The following GCNT2 variants were observed in gnomAD, a reference collection of about 807,000 sequenced individuals.
GCNT2 encodes the protein N-acetyllactosaminide beta-1,6-N-acetylglucosaminyl-transferase.
GCNT2 carries 34 observed loss-of-function variants against 34.2 expected under a neutral mutation model. The observed-to-expected ratio is 1.00, with a 90% CI of 0.76 to 1.32. The LOEUF is 1.32. Among genes scored for constraint, GCNT2 ranks in the 40% most tolerant of loss-of-function variants. GCNT2 has a pLI of 0.00. For missense variants in GCNT2, 584 were observed against 489.4 expected, an observed-to-expected ratio of 1.19 and a Z score of -1.82; for synonymous variants, 212 against 188.0, an observed-to-expected ratio of 1.13 and a Z score of -1.04.
At chr6:10,615,800 A>G (rs935108353) in intron 3 of GCNT2, among the ~76,000 whole-genome samples, 2 of 152,222 alleles carry the variant, frequency 1.3e-5, no homozygotes, top group Admixed American at 1.3e-4. Context: ...CCCCGTTTAG[A>G]CCATAGAGGG....
chr6:10,556,897 C>T, intron 3 of GCNT2: 1 of 1,614,134 alleles, frequency 6.2e-7, no homozygotes, highest in Admixed American at 1.7e-5. Context: ...AACCCGTTGT[C>T]TATGGAGGGA....
At chr6:10,574,709 T>C (rs1763716102) in intron 3 of GCNT2, 2 of 425,122 alleles carry the variant, frequency 4.7e-6, no homozygotes, top group South Asian at 2.4e-5. Context: ...TTGTTTGTTT[T>C]ACAGTCTAGA....
intron 3 of GCNT2, among the ~76,000 whole-genome samples, chr6:10,566,805 G>A (rs1218639030): frequency 6.6e-5 from 10 of 152,188 alleles, no homozygotes; most frequent in South Asian, 4.1e-4. Context: ...GCACGCACAC[G>A]TTTTATATGG....
intron 3 of GCNT2, among the ~76,000 whole-genome samples, chr6:10,589,268 GGT>G (rs1419794535): frequency 6.9e-6 from 1 of 145,838 alleles, no homozygotes; most frequent in Non-Finnish European, 1.5e-5. Flanking sequence ...ACATGTGTGG[GGT>G]GTGTGTGTTT....
chr6:10,537,888 C>G (rs1174140041), intron 3 of GCNT2, among the ~76,000 whole-genome samples: 1 of 151,956 alleles, frequency 6.6e-6, no homozygotes. Context: ...AAAGTGGTGT[C>G]TATGTCATGT....
chr6:10,529,445 G>A lies in GCNT2; in HGVS notation c.534G>A (p.Val178=). ...ACCTGAACTGCCTGGAAGACCTTGT[G>A]GCCTCTGAAGTTCCCTGGAAGTATG... The part of the protein sequence containing the change: ...QADLNCLEDL[V]ASEVPWKYVI... The change falls in exon 3 of 5, where the codon GTG becomes GTA. Residue 178 remains valine (V), a synonymous_variant. Coordinates refer to ENST00000495262, the MANE Select transcript of GCNT2 (RefSeq NM_145649.5). 1 of 1,614,134 alleles carries A rather than the reference G, an allele frequency of 6.2e-7. No homozygotes were observed. Among genetic ancestry groups the A allele is most frequent in the Non-Finnish European group, 8.5e-7 (1 of 1,180,008 alleles).
chr6:10,586,609 T>G, intron 3 of GCNT2: 1 of 1,614,156 alleles, frequency 6.2e-7, no homozygotes. Flanking sequence ...GTTCAGCATC[T>G]GAAAGGATTT....
intron 3 of GCNT2, among the ~76,000 whole-genome samples, chr6:10,554,431 A>G (rs1215584313): frequency 6.6e-6 from 1 of 152,226 alleles, no homozygotes; most frequent in Non-Finnish European, 1.5e-5. Flanking sequence ...AATGCTATTA[A>G]TGTCTGTCTC....
At chr6:10,618,696 C>T (rs1049970582) in intron 3 of GCNT2, among the ~76,000 whole-genome samples, 6 of 152,136 alleles carry the variant, frequency 3.9e-5, no homozygotes, top group Non-Finnish European at 7.3e-5. Context: ...CTTCACCGGA[C>T]AAGTTTTACT....
At chr6:10,538,437 A>AAATATATATATATAT (rs1554127249) in intron 3 of GCNT2, among the ~76,000 whole-genome samples, 10 of 73,338 alleles carry the variant, frequency 1.4e-4, no homozygotes, top group African/African-American at 1.2e-3. Flanking sequence ...AAAAAAAAAA[A>AAATATATATATATAT]ATATATATAT....
Position 10,627,981 on chromosome 6 carries a change from A to C in GCNT2, c.*1374A>C, listed in dbSNP as rs535334810. The C allele has an allele frequency of 3.3e-5, 5 of 152,604 alleles. No individual in the cohort carries two copies. Among genetic ancestry groups the C allele is most frequent in the Non-Finnish European group, 7.3e-5 (5 of 68,036 alleles). The allele number at this position is 152,604 out of a possible 1,614,324, so 9.5% of individuals were successfully genotyped here. On this transcript the variant is annotated 3_prime_UTR_variant, in exon 5 of 5. Transcript: ENST00000495262. ...CTCACAACAGTCTTGTGAGGCCCTT[A>C]TATAATTACTCCCATTTTGCAGATG...
At chr6:10,612,541 T>TA (rs748524949) in intron 3 of GCNT2, among the ~76,000 whole-genome samples, 15 of 152,240 alleles carry the variant, frequency 9.9e-5, no homozygotes, top group East Asian at 3.9e-4. Flanking sequence ...TAGATTATAG[T>TA]AAAAAAAGCG....
intron 1 of GCNT2, among the ~76,000 whole-genome samples, chr6:10,521,962 C>T (rs188534075): frequency 2.8e-4 from 43 of 151,286 alleles, no homozygotes; most frequent in Admixed American, 1.2e-3. Flanking sequence ...TACGGTGGTG[C>T]GATCTCAGCT....
chr6:10,623,769 T>A (rs1581497918), intron 4 of GCNT2, among the ~76,000 whole-genome samples: 2 of 152,210 alleles, frequency 1.3e-5, no homozygotes, highest in East Asian at 3.9e-4. Flanking sequence ...TTGACCAGTT[T>A]GTTCACTGTT....
chr6:10,595,691 G>C (rs1363747729), intron 3 of GCNT2, among the ~76,000 whole-genome samples: 1 of 151,876 alleles, frequency 6.6e-6, no homozygotes, highest in Non-Finnish European at 1.5e-5. Flanking sequence ...GAAAAAAAAT[G>C]AGAGCCTTTT....
chr6:10,538,974 AAAT>A (rs1761911632), intron 3 of GCNT2, among the ~76,000 whole-genome samples: 3 of 152,104 alleles, frequency 2.0e-5, no homozygotes, highest in East Asian at 1.9e-4. Flanking sequence ...AGAAAGAAAA[AAAT>A]AAGGGTTGGG....
At chr6:10,585,927 C>A (rs1764321473) in intron 3 of GCNT2, 1 of 1,605,522 alleles carries the variant, frequency 6.2e-7, no homozygotes, top group African/African-American at 1.3e-5. Flanking sequence ...AATTCAACCT[C>A]TCACACCGAT....
At chr6:10,613,928 T>C (rs1416215496) in intron 3 of GCNT2, among the ~76,000 whole-genome samples, 5 of 152,102 alleles carry the variant, frequency 3.3e-5, no homozygotes, top group Non-Finnish European at 7.4e-5. Flanking sequence ...TCCATCAGGG[T>C]GCTCAGCCTG....
rs796919878 is a variant in GCNT2, at chr6:10,537,718, A to C, written c.925+7882A>C. On this transcript the variant is annotated intron_variant, in intron 3 of 4. Transcript: ENST00000495262. ...TGCCGCAAAAAAAAAAAAAAAAAAA[A>C]AAAAAAAACAAAACAAAGAAAACGA... Among the ~76,000 whole-genome samples, 68 of 142,338 alleles carry C rather than the reference A, an allele frequency of 4.8e-4. 4 individuals are homozygous for C. The South Asian group carries it at 0.015, about 32-fold the overall frequency. 93.4% of individuals were successfully genotyped at this position (142,338 alleles called of 152,430 possible).
Sources: allele counts gnomAD v4.1 joint callset (sites outside exome capture counted in the v4.1 genomes callset), GRCh38; gene constraint gnomAD v4.1.1; transcripts MANE v1.5; gene names NCBI Gene and HGNC (gene_info 2026-07-23, HGNC 2026-07-21).